FOXP1: variants seen among roughly 807,000 people sequenced by gnomAD.
The protein encoded by FOXP1 is forkhead box P1.
In FOXP1, 15 loss-of-function variants were observed where a neutral mutation model predicts 98.2. That is an observed-to-expected ratio of 0.15 (90% confidence interval 0.10 to 0.24). The LOEUF (loss-of-function observed/expected upper bound fraction) is 0.24. FOXP1 is among the 10% of genes least tolerant of loss of function. The probability of loss-of-function intolerance (pLI) is 1.00; values close to 1 mark genes in which losing one functional copy is unlikely to be tolerated. For synonymous variants in FOXP1, 371 were observed against 314.5 expected (o/e 1.18, Z -1.90); for missense variants, 633 against 848.5 (o/e 0.75, Z 3.15).
At chr3:71,221,950 C>T (rs1215192767) in intron 5 of FOXP1, among the ~76,000 whole-genome samples, 2 of 152,124 alleles carry the variant, frequency 1.3e-5, no homozygotes, top group African/African-American at 2.4e-5. Context: ...GTGAAGAGAT[C>T]GAGACCATCC....
chr3:71,468,417 T>G lies in FOXP1; in HGVS notation c.-168+25009A>C, dbSNP rs553967577. ...CCAGAGTCGGGCTACCTTGAAAGAC[T>G]CTTGCCATGTTCTCACATCACACAG... On this transcript the variant is annotated intron_variant, in intron 3 of 20. Coordinates refer to ENST00000649528, the MANE Select transcript of FOXP1 (RefSeq NM_001349338.3). 1.8e-4 allele frequency among the ~76,000 whole-genome samples: 27 copies of G among 152,322 alleles called. 1 individual carries two copies. In the East Asian group the frequency reaches 5.0e-3, roughly 28 times the overall value.
At chr3:71,032,433 C>A (rs1191298733) in intron 11 of FOXP1, among the ~76,000 whole-genome samples, 1 of 152,218 alleles carries the variant, frequency 6.6e-6, no homozygotes, top group Non-Finnish European at 1.5e-5. Context: ...TTTATTCACA[C>A]AGGCAGAAGT....
intron 14 of FOXP1, among the ~76,000 whole-genome samples, chr3:70,979,261 T>C (rs1443787724): frequency 6.5e-4 from 66 of 101,350 alleles, no homozygotes; most frequent in Non-Finnish European, 8.2e-4. Context: ...GCCTGGGTGA[T>C]AGAGTGAGAC....
intron 11 of FOXP1, among the ~76,000 whole-genome samples, chr3:71,020,541 C>T (rs1228595853): frequency 6.6e-6 from 1 of 152,240 alleles, no homozygotes; most frequent in Non-Finnish European, 1.5e-5. Flanking sequence ...AACTTCTCAA[C>T]TCTGCTGTCT....
At chr3:71,119,093 C>T (rs565404858) in intron 6 of FOXP1, among the ~76,000 whole-genome samples, 1 of 152,310 alleles carries the variant, frequency 6.6e-6, no homozygotes, top group South Asian at 2.1e-4. Context: ...GGCCAAGGAG[C>T]AAGAACATTA....
At chr3:71,060,337 G>A (rs541389649) in intron 7 of FOXP1, among the ~76,000 whole-genome samples, 2 of 152,146 alleles carry the variant, frequency 1.3e-5, no homozygotes, top group Admixed American at 1.3e-4. Context: ...AAGCTAAAGG[G>A]TGCAAATGAG....
intron 3 of FOXP1, among the ~76,000 whole-genome samples, chr3:71,434,928 T>C (rs987937167): frequency 1.3e-5 from 2 of 151,906 alleles, no homozygotes; most frequent in African/African-American, 4.8e-5. Context: ...AGCGCTTGGC[T>C]AACAGGCCCC....
At chr3:71,562,839 G>A (rs2046638470) in intron 2 of FOXP1, among the ~76,000 whole-genome samples, 1 of 152,194 alleles carries the variant, frequency 6.6e-6, no homozygotes, top group Admixed American at 6.5e-5. Flanking sequence ...GTTGAGCAAA[G>A]ACTTCTGGGC....
intron 3 of FOXP1, among the ~76,000 whole-genome samples, chr3:71,461,568 C>T (rs964775490): frequency 3.3e-5 from 5 of 151,758 alleles, no homozygotes; most frequent in African/African-American, 1.2e-4. Flanking sequence ...TTTGGGAGGC[C>T]GAAGCGGGTG....
chr3:71,236,129 T>C (rs1231701778), intron 5 of FOXP1, among the ~76,000 whole-genome samples: 2 of 152,168 alleles, frequency 1.3e-5, no homozygotes, highest in Admixed American at 6.5e-5. Flanking sequence ...GGAATCATCA[T>C]AGCAGATGAG....
intron 4 of FOXP1, among the ~76,000 whole-genome samples, chr3:71,325,248 T>A (rs577379204): frequency 5.3e-5 from 8 of 152,112 alleles, no homozygotes; most frequent in Non-Finnish European, 7.4e-5. Context: ...AAATGGGGTT[T>A]CACCATGTTG....
At chr3:71,460,152 T>C (rs553909986) in intron 3 of FOXP1, among the ~76,000 whole-genome samples, 1 of 152,152 alleles carries the variant, frequency 6.6e-6, no homozygotes, top group South Asian at 2.1e-4. Context: ...GCCAGGATGG[T>C]CTCAATCTCC....
chr3:71,207,844 T>C (rs1215263111), intron 5 of FOXP1, among the ~76,000 whole-genome samples: 2 of 152,216 alleles, frequency 1.3e-5, no homozygotes, highest in African/African-American at 4.8e-5. Flanking sequence ...TGGCTCCCAG[T>C]GTCCAAGGGA....
chr3:71,107,327 C>G (rs964356677), intron 7 of FOXP1, among the ~76,000 whole-genome samples: 13 of 152,134 alleles, frequency 8.5e-5, no homozygotes, highest in Non-Finnish European at 1.6e-4. Context: ...CATGAAATCC[C>G]TAAAACTGGA....
At chr3:71,426,996 G>A (rs910576691) in intron 3 of FOXP1, among the ~76,000 whole-genome samples, 5 of 151,614 alleles carry the variant, frequency 3.3e-5, no homozygotes, top group Admixed American at 2.6e-4. Flanking sequence ...GGGAGGCAGA[G>A]GCTGCAGTGA....
intron 11 of FOXP1, among the ~76,000 whole-genome samples, chr3:71,034,082 T>C (rs2047250586): frequency 2.0e-5 from 3 of 152,158 alleles, no homozygotes; most frequent in Admixed American, 2.0e-4. Context: ...GCACGCCCTC[T>C]ATATTCTCCA....
intron 4 of FOXP1, among the ~76,000 whole-genome samples, chr3:71,318,359 T>C (rs755828345): frequency 2.3e-4 from 35 of 152,306 alleles, no homozygotes; most frequent in African/African-American, 7.2e-4. Flanking sequence ...GGCACTTCCC[T>C]GAATAAACGA....
At chr3:71,323,237 A>G (rs761986937) in intron 4 of FOXP1, among the ~76,000 whole-genome samples, 12 of 152,088 alleles carry the variant, frequency 7.9e-5, no homozygotes, top group Non-Finnish European at 1.6e-4. Context: ...GGTACATTTT[A>G]AACTCCCAAA....
At chr3:71,096,753 A>T (rs1487445266) in intron 7 of FOXP1, among the ~76,000 whole-genome samples, 6 of 152,210 alleles carry the variant, frequency 3.9e-5, no homozygotes, top group African/African-American at 7.2e-5. Flanking sequence ...TTATGAAAAT[A>T]TTCAGAAGGA....
Sources: allele counts gnomAD v4.1 joint callset (sites outside exome capture counted in the v4.1 genomes callset), GRCh38; gene constraint gnomAD v4.1.1; transcripts MANE v1.5; gene names NCBI Gene and HGNC (gene_info 2026-07-23, HGNC 2026-07-21).